FGGY: variants seen among roughly 807,000 people sequenced by gnomAD.
FGGY encodes the protein FGGY carbohydrate kinase domain-containing protein.
Under a neutral mutation model 71.3 loss-of-function variants are expected in FGGY, and 72 were observed. The ratio of observed to expected loss-of-function variants is 1.01; its 90% confidence interval spans 0.84 to 1.23. The LOEUF is 1.23. FGGY is among the 50% of genes most tolerant of loss of function. The probability of loss-of-function intolerance (pLI) is 0.00; values close to 1 mark genes in which losing one functional copy is unlikely to be tolerated. For missense variants in FGGY, 668 were observed against 682.3 expected (o/e 0.98, Z 0.23); for synonymous variants, 251 against 250.3 (o/e 1.00, Z -0.02).
At chr1:59,486,434 C>A (rs938624898) in intron 6 of FGGY, among the ~76,000 whole-genome samples, 25 of 152,272 alleles carry the variant, frequency 1.6e-4, no homozygotes, top group African/African-American at 6.0e-4. Context: ...TTCAGGGACA[C>A]ATGGTGAGTG....
At chr1:59,579,589 TC>T (rs2096150189) in intron 8 of FGGY, among the ~76,000 whole-genome samples, 1 of 152,116 alleles carries the variant, frequency 6.6e-6, no homozygotes, top group African/African-American at 2.4e-5. Flanking sequence ...ACATCCTTCA[TC>T]CCTCTCTTTT....
At chr1:59,462,446 A>G (rs2092311144) in intron 6 of FGGY, among the ~76,000 whole-genome samples, 1 of 152,162 alleles carries the variant, frequency 6.6e-6, no homozygotes, top group Admixed American at 6.5e-5. Context: ...ACAAAAGCCA[A>G]AATTGACAAA....
At chr1:59,320,259 G>GT (rs552649699) in intron 1 of FGGY, among the ~76,000 whole-genome samples, 225 of 152,288 alleles carry the variant, frequency 1.5e-3, no homozygotes, top group African/African-American at 5.3e-3. Context: ...TGTTTTATTT[G>GT]TTTTTTACTG....
intron 4 of FGGY, among the ~76,000 whole-genome samples, chr1:59,352,327 A>C (rs2053472915): frequency 6.6e-6 from 1 of 152,204 alleles, no homozygotes; most frequent in South Asian, 2.1e-4. Flanking sequence ...TGTAGGGGCT[A>C]CATGGAGATC....
chr1:59,686,509 T>C (rs2097545585), intron 14 of FGGY, among the ~76,000 whole-genome samples: 1 of 152,216 alleles, frequency 6.6e-6, no homozygotes, highest in African/African-American at 2.4e-5. Flanking sequence ...GTGATGTATT[T>C]TTTTCTCCAT....
At chr1:59,728,431 A>G (rs1383225606) in intron 14 of FGGY, among the ~76,000 whole-genome samples, 1 of 152,070 alleles carries the variant, frequency 6.6e-6, no homozygotes, top group Admixed American at 6.5e-5. Flanking sequence ...ATAATTATAG[A>G]TCAATTAAGA....
At chr1:59,386,804 T>C (rs1476905475) in intron 5 of FGGY, among the ~76,000 whole-genome samples, 1 of 152,216 alleles carries the variant, frequency 6.6e-6, no homozygotes, top group Non-Finnish European at 1.5e-5. Flanking sequence ...TGTTAGAATT[T>C]CTGAGACATT....
intron 8 of FGGY, 53 bp from the exon 9 acceptor site, chr1:59,607,750 T>G (rs2096636774): frequency 7.1e-7 from 1 of 1,414,242 alleles, no homozygotes; most frequent in Admixed American, 1.7e-5. Flanking sequence ...GGAGAACCCT[T>G]CCCCTACCCC....
At chr1:59,353,382 C>T (rs575017938) in intron 4 of FGGY, among the ~76,000 whole-genome samples, 1 of 152,194 alleles carries the variant, frequency 6.6e-6, no homozygotes, top group East Asian at 1.9e-4. Flanking sequence ...ATGGGGCTGG[C>T]CATAATGAGT....
At chr1:59,467,414 G>T (rs1425289133) in intron 6 of FGGY, among the ~76,000 whole-genome samples, 1 of 151,936 alleles carries the variant, frequency 6.6e-6, no homozygotes, top group African/African-American at 2.4e-5. Flanking sequence ...AAGTTAATGG[G>T]TGCAGCAAAC....
intron 6 of FGGY, among the ~76,000 whole-genome samples, chr1:59,498,406 G>A (rs775526192): frequency 2.6e-5 from 4 of 151,910 alleles, no homozygotes; most frequent in South Asian, 2.1e-4. Flanking sequence ...TTATGTCTCC[G>A]GATTACCTGG....
rs142712059 is a variant in FGGY, at chr1:59,733,529, T to C, written c.1513-24402T>C. On this transcript the variant is annotated intron_variant, in intron 14 of 15. Coordinates refer to ENST00000303721, the MANE Select transcript of FGGY (RefSeq NM_018291.5). Reference sequence around the variant, plus strand: ...TCTCAGGTGTAAATGCCAGATCTTCTAACACTTACAAGGACAAATTCATTT... The same window carrying C: ...TCTCAGGTGTAAATGCCAGATCTTCCAACACTTACAAGGACAAATTCATTT... Among the ~76,000 whole-genome samples the C allele has an allele frequency of 7.9e-5, 12 of 152,286 alleles. No homozygotes were observed. In the East Asian group the frequency reaches 2.3e-3, roughly 29 times the overall value.
chr1:59,660,779 A>G (rs59785327), intron 12 of FGGY, among the ~76,000 whole-genome samples: 4,117 of 152,300 alleles, frequency 0.027, 200 homozygotes, highest in African/African-American at 0.093. Flanking sequence ...GGAAGAGGGG[A>G]ATTTAAATCT....
chr1:59,583,593 G>A lies in FGGY; in HGVS notation c.904-24210G>A, dbSNP rs1008883473. ...TTTTAGGGACATTGAAATGGACTGCGCATGGAGGAAGCTTCATGGGGGGCA... is the reference window on the plus strand; with the variant it reads ...TTTTAGGGACATTGAAATGGACTGCACATGGAGGAAGCTTCATGGGGGGCA... On this transcript the variant is annotated intron_variant, in intron 8 of 15. Transcript: ENST00000303721. Among the ~76,000 whole-genome samples, 15 of 142,328 alleles carry A rather than the reference G, an allele frequency of 1.1e-4. 4 individuals carry two copies. The East Asian group carries it at 2.5e-3, about 24-fold the overall frequency. 93.4% of individuals were successfully genotyped at this position (142,328 alleles called of 152,430 possible). A position where few individuals can be genotyped will look rare whatever the true frequency, so the allele number is the denominator to read the frequency against.
chr1:59,662,507 C>A (rs533372846), intron 12 of FGGY, among the ~76,000 whole-genome samples: 2 of 152,186 alleles, frequency 1.3e-5, no homozygotes, highest in East Asian at 3.9e-4. Context: ...GGGATTTGAA[C>A]CCCCAGCATT....
chr1:59,595,053 A>T (rs1333225649), intron 8 of FGGY, among the ~76,000 whole-genome samples: 1 of 152,148 alleles, frequency 6.6e-6, no homozygotes, highest in East Asian at 1.9e-4. Context: ...CCTGCTTCCC[A>T]AGTAGCTGAG....
intron 7 of FGGY, among the ~76,000 whole-genome samples, chr1:59,514,250 T>C (rs897834867): frequency 1.3e-5 from 2 of 152,178 alleles, no homozygotes; most frequent in African/African-American, 4.8e-5. Flanking sequence ...GTGTCAATCA[T>C]CCACCCCTAC....
chr1:59,691,634 T>C (rs1451582447), intron 14 of FGGY, among the ~76,000 whole-genome samples: 2 of 150,470 alleles, frequency 1.3e-5, no homozygotes, highest in African/African-American at 2.5e-5. Context: ...TTCTTTTTTT[T>C]TCTTTTCTTT....
chr1:59,479,001 G>T (rs1377188825), intron 6 of FGGY, among the ~76,000 whole-genome samples: 2 of 152,354 alleles, frequency 1.3e-5, no homozygotes, highest in South Asian at 2.1e-4. Context: ...TGAGGCAGAA[G>T]ATAAAAGTCG....
Sources: gnomAD v4.1 joint callset for allele counts (sites outside exome capture counted in the v4.1 genomes callset) on GRCh38, gnomAD v4.1.1 for gene constraint, MANE v1.5 for transcripts, NCBI Gene and HGNC (gene_info 2026-07-23, HGNC 2026-07-21) for gene names.